Variants in GCNT3 observed in about 807,000 individuals in gnomAD.
GCNT3 encodes the protein beta-1,3-galactosyl-O-glycosyl-glycoprotein beta-1,6-N-acetylglucosaminyltransferase 3.
For synonymous variants in GCNT3, 269 were observed against 195.2 expected, an observed-to-expected ratio of 1.38 and a Z score of -3.15; for missense variants, 708 against 530.3, an observed-to-expected ratio of 1.34 and a Z score of -3.29.
At position 59,619,348 on chromosome 15, in the gene GCNT3, G is replaced by C. The variant is rs758640883; in HGVS notation, c.1110G>C (p.Glu370Asp). 6.2e-7 allele frequency: 1 copy of C among 1,614,076 alleles called. No homozygotes were observed. The change falls in exon 3 of 3, where the codon GAG becomes GAC. Residue 370 changes from glutamate to aspartate, a missense_variant. By Grantham distance (45) the Glu-to-Asp change is conservative. Coordinates refer to ENST00000396065, the MANE Select transcript of GCNT3 (RefSeq NM_004751.3). ...IARLVKWQGH[E>D]GDIDKGAPYA... ...GGCTGGTCAAGTGGCAGGGTCATGA[G>C]GGAGACATCGATAAGGGTGCTCCTT...
chr15:59,617,768 C>G (rs1595656279), intron 2 of GCNT3, among the ~76,000 whole-genome samples: 1 of 152,210 alleles, frequency 6.6e-6, no homozygotes. Context: ...GTTTCTAGAA[C>G]CGATGCCAAG....
rs1566908861 is a variant in GCNT3, at chr15:59,619,440, T to C, written c.1202T>C (p.Met401Thr). 2.5e-6 allele frequency: 4 copies of C among 1,614,132 alleles called. No individual in the cohort carries two copies. Among genetic ancestry groups the C allele is most frequent in the Non-Finnish European group, 2.5e-6 (3 of 1,180,020 alleles). ...CVYGAGDLNW[M>T]LQNHHLLANK... ...TATGGGGCTGGGGACTTGAATTGGA[T>C]GCTTCAAAACCATCACCTGTTGGCC... Residue 401 changes from methionine (M) to threonine (T), a missense_variant, in exon 3 of 3, where the codon ATG becomes ACG. By Grantham distance (81) the Met-to-Thr change is moderately conservative. Coordinates refer to ENST00000396065, the MANE Select transcript of GCNT3 (RefSeq NM_004751.3).
Position 59,618,207 on chromosome 15 carries a change from C to CTCGG in GCNT3, c.-29_-26dup. The CTCGG allele has an allele frequency of 8.0e-7, 1 of 1,253,032 alleles. No individual in the cohort carries two copies. Among genetic ancestry groups the CTCGG allele is most frequent in the Non-Finnish European group, 1.1e-6 (1 of 889,070 alleles). 77.6% of individuals were successfully genotyped at this position (1,253,032 alleles called of 1,614,324 possible). ...TGTGTCCTCCTCCACCTTCCCTGTG[C>CTCGG]TCGGTCTCCACCTGTCTCCCATTCT... On this transcript the variant is annotated 5_prime_UTR_variant, in exon 3 of 3. Coordinates refer to ENST00000396065, the MANE Select transcript of GCNT3 (RefSeq NM_004751.3).
chr15:59,616,583 C>T (rs900309613), intron 1 of GCNT3, 109 bp from the exon 2 acceptor site: 4 of 152,202 alleles, frequency 2.6e-5, no homozygotes, highest in African/African-American at 9.7e-5. Flanking sequence ...CCCTGAATGA[C>T]TTGGGCTTGA....
intron 1 of GCNT3, among the ~76,000 whole-genome samples, chr15:59,613,237 G>A (rs765462546): frequency 6.6e-6 from 1 of 152,048 alleles, no homozygotes; most frequent in Non-Finnish European, 1.5e-5. Context: ...GAATGTGGCA[G>A]AGCCAGGATT....
chr15:59,621,592 G>GTTTTTTTTTTTTT lies in GCNT3; in HGVS notation c.*2042_*2054dup, dbSNP rs71119496. The stretch of plus-strand genomic sequence containing the variant: ...ATATGTTTCTTCCTTTCTGATTTTT[G>GTTTTTTTTTTTTT]TTTTTTTTTTTTTTTTTGAGACAGA... On this transcript the variant is annotated 3_prime_UTR_variant, in exon 3 of 3. Transcript: ENST00000396065. 3.4e-5 allele frequency: 4 copies of GTTTTTTTTTTTTT among 118,834 alleles called. No individual in the cohort carries two copies. The highest frequency in any genetic ancestry group is 2.7e-4 in the East Asian group (1 of 3,736). The allele number at this position is 118,834 out of a possible 1,614,324, so 7.4% of individuals were successfully genotyped here. A position where few individuals can be genotyped will look rare whatever the true frequency, so the allele number is the denominator to read the frequency against.
At position 59,619,002 on chromosome 15, in the gene GCNT3, A is replaced by G; in HGVS notation, c.764A>G (p.Glu255Gly). 1 of 1,614,140 alleles carries G rather than the reference A, an allele frequency of 6.2e-7. No homozygotes were observed. The highest frequency in any genetic ancestry group is 8.5e-7 in the Non-Finnish European group (1 of 1,180,020). ...MLNGRNSMES[E>G]VPPKHKETRW... Reference sequence around the variant, plus strand: ...AATGGGAGGAATAGCATGGAGTCAGAGGTACCTCCTAAGCACAAAGAAACC... The same window carrying G: ...AATGGGAGGAATAGCATGGAGTCAGGGGTACCTCCTAAGCACAAAGAAACC... Residue 255 changes from glutamate (E) to glycine (G), a missense_variant, in exon 3 of 3, where the codon GAG becomes GGG. Physicochemically the swap from Glu to Gly is moderately conservative, Grantham distance 98. Coordinates refer to ENST00000396065, the MANE Select transcript of GCNT3 (RefSeq NM_004751.3).
rs755519491 is a variant in GCNT3, at chr15:59,619,048, G to A, written c.810G>A (p.Glu270=). Residue 270 remains glutamate (E), a synonymous_variant, in exon 3 of 3, where the codon GAG becomes GAA. Coordinates refer to ENST00000396065, the MANE Select transcript of GCNT3 (RefSeq NM_004751.3). ...AAACCCGCTGGAAATATCACTTTGA[G>A]GTAGTGAGAGACACATTACACCTAA... is the stretch of plus-strand genomic sequence containing the variant. The part of the protein sequence containing the change: ...HKETRWKYHF[E]VVRDTLHLTN... The A allele has an allele frequency of 1.2e-6, 2 of 1,614,100 alleles. No homozygotes were observed. Among genetic ancestry groups the A allele is most frequent in the Admixed American group, 3.3e-5 (2 of 60,000 alleles).
At position 59,619,256 on chromosome 15, in the gene GCNT3, C is replaced by T. The variant is rs559052868; in HGVS notation, c.1018C>T (p.Arg340Trp). 35 of 1,614,084 alleles carry T rather than the reference C, an allele frequency of 2.2e-5. 1 individual carries two copies. Among genetic ancestry groups the T allele is most frequent in the East Asian group, 6.7e-5 (3 of 44,882 alleles). Residue 340 changes from arginine (R) to tryptophan (W), a missense_variant, in exon 3 of 3, where the codon CGG becomes TGG. Physicochemically the swap from Arg to Trp is moderately radical, Grantham distance 101. Transcript: ENST00000396065. ...CCTCTGGGCCACCCTTCAGCGTGCACGGTGGATGCCTGGCTCTGTTCCCAA... is the reference window on the plus strand; with the variant it reads ...CCTCTGGGCCACCCTTCAGCGTGCATGGTGGATGCCTGGCTCTGTTCCCAA... ...EHLWATLQRA[R>W]WMPGSVPNHP...
chr15:59,612,771 C>T (rs1488245072), intron 1 of GCNT3, among the ~76,000 whole-genome samples: 15 of 152,104 alleles, frequency 9.9e-5, no homozygotes, highest in African/African-American at 2.9e-4. Flanking sequence ...TCTTCCTGTG[C>T]CCTTCCGCAG....
In GCNT3 at chr15:59,618,396, G is replaced by C; in HGVS notation, c.158G>C (p.Arg53Thr). 1 of 1,614,134 alleles carries C rather than the reference G, an allele frequency of 6.2e-7. No homozygotes were observed. Among genetic ancestry groups the C allele is most frequent in the South Asian group, 1.1e-5 (1 of 91,078 alleles). Residue 53 changes from arginine to threonine, a missense_variant, in exon 3 of 3, where the codon AGG becomes ACG. By Grantham distance (71) the Arg-to-Thr change is moderately conservative. Coordinates refer to ENST00000396065, the MANE Select transcript of GCNT3 (RefSeq NM_004751.3). ...ESRESQSQYCRNILYNFLKLP... is the reference protein window; with the variant it reads ...ESRESQSQYCTNILYNFLKLP... ...AGGGAATCTCAAAGCCAGTACTGTA[G>C]GAATATCTTGTATAATTTCCTGAAA...
At chr15:59,614,717 T>A (rs1474431906) in intron 1 of GCNT3, among the ~76,000 whole-genome samples, 1 of 152,238 alleles carries the variant, frequency 6.6e-6, no homozygotes, top group African/African-American at 2.4e-5. Context: ...AAGATTGTTA[T>A]GACCTGTATC....
chr15:59,614,743 C>G (rs1231309810), intron 1 of GCNT3, among the ~76,000 whole-genome samples: 5 of 152,158 alleles, frequency 3.3e-5, no homozygotes, highest in Non-Finnish European at 5.9e-5. Flanking sequence ...CCTATCTCCT[C>G]TATCTCATCC....
chr15:59,614,539 C>T (rs1316173874), intron 1 of GCNT3, among the ~76,000 whole-genome samples: 1 of 152,178 alleles, frequency 6.6e-6, no homozygotes, highest in Non-Finnish European at 1.5e-5. Context: ...ATTCATGCCT[C>T]CCCCTTTTAG....
intron 1 of GCNT3, among the ~76,000 whole-genome samples, chr15:59,613,124 C>T (rs116981446): frequency 6.6e-6 from 1 of 151,904 alleles, no homozygotes; most frequent in Non-Finnish European, 1.5e-5. Context: ...GTTTAATCTT[C>T]TCAATAGTAG....
intron 1 of GCNT3, among the ~76,000 whole-genome samples, chr15:59,613,174 G>T (rs1156687845): frequency 1.3e-5 from 2 of 151,972 alleles, no homozygotes; most frequent in Non-Finnish European, 2.9e-5. Context: ...TTATGCAAAA[G>T]AATTCACTAA....
At position 59,619,852 on chromosome 15, in the gene GCNT3, A is replaced by C. The variant is rs192166254; in HGVS notation, c.*297A>C. ...GTGAAGGAGGGATATGTGGTAGAGC[A>C]CTTGATTTCAGTTGAATGCCTGCTG... On this transcript the variant is annotated 3_prime_UTR_variant, in exon 3 of 3. Transcript: ENST00000396065. 16 of 244,710 alleles carry C rather than the reference A, an allele frequency of 6.5e-5. No homozygotes were observed. The highest frequency in any genetic ancestry group is 3.6e-4 in the African/African-American group (16 of 44,434). 15.2% of individuals were successfully genotyped at this position (244,710 alleles called of 1,614,324 possible).
intron 1 of GCNT3, among the ~76,000 whole-genome samples, chr15:59,613,510 G>A (rs1452573167): frequency 1.3e-5 from 2 of 150,014 alleles, no homozygotes; most frequent in Non-Finnish European, 3.0e-5. Context: ...AGACCAGCCA[G>A]GGGAACAGCA....
At chr15:59,617,191 T>A (rs58453734) in intron 2 of GCNT3, among the ~76,000 whole-genome samples, 8,352 of 145,618 alleles carry the variant, frequency 0.057, 553 homozygotes, top group East Asian at 0.28. Context: ...TTTTTTTTTT[T>A]AAAGGGGCTT....
Sources: gnomAD v4.1 joint callset for allele counts (sites outside exome capture counted in the v4.1 genomes callset) on GRCh38, gnomAD v4.1.1 for gene constraint, MANE v1.5 for transcripts, NCBI Gene and HGNC (gene_info 2026-07-23, HGNC 2026-07-21) for gene names.